The following ADAM18 variants were observed in gnomAD, a reference collection of about 807,000 sequenced individuals.
The protein encoded by ADAM18 is disintegrin and metalloproteinase domain-containing protein 18.
Under a neutral mutation model 94.4 loss-of-function variants are expected in ADAM18, and 117 were observed. The observed-to-expected ratio is 1.24, with a 90% CI of 1.07 to 1.45. ADAM18 has a LOEUF of 1.45. Ranked by LOEUF, ADAM18 falls within the 40% of genes most tolerant of loss-of-function variation. The pLI, the probability that ADAM18 is intolerant of heterozygous loss-of-function variation, is 0.00. For synonymous variants in ADAM18, 327 were observed against 291.6 expected (o/e 1.12, Z -1.24); for missense variants, 936 against 880.0 (o/e 1.06, Z -0.81).
intron 11 of ADAM18, among the ~76,000 whole-genome samples, chr8:39,647,532 C>CT (rs2129579571): frequency 6.6e-6 from 1 of 152,180 alleles, no homozygotes; most frequent in South Asian, 2.1e-4. Context: ...GCAAGAGGCT[C>CT]TTTTACTAAT....
chr8:39,716,640 C>T (rs956160769), intron 18 of ADAM18, among the ~76,000 whole-genome samples: 3 of 151,922 alleles, frequency 2.0e-5, no homozygotes, highest in Non-Finnish European at 2.9e-5. Flanking sequence ...GGAGAAAGAG[C>T]TGTGTGAACT....
Position 39,609,561 on chromosome 8 carries a change from G to T in ADAM18, c.344G>T (p.Arg115Met), listed in dbSNP as rs1819202471. 1 of 1,601,222 alleles carries T rather than the reference G, an allele frequency of 6.2e-7. No homozygotes were observed. The highest frequency in any genetic ancestry group is 1.3e-5 in the African/African-American group (1 of 74,706). Residue 115 changes from arginine to methionine, a missense_variant and splice_region_variant, in exon 5 of 20, where the codon AGG (arginine) becomes ATG (methionine). Coordinates refer to ENST00000265707, the MANE Select transcript of ADAM18 (RefSeq NM_014237.3). ...ACACTCAGTATATGTTCTGGTCTCA[G>T]GTAATAGCACCTTATAAGAAATCTA... ...FVTLSICSGL[R>M]GFLQFENISY...
chr8:39,694,943 A>T (rs979239942), intron 17 of ADAM18, among the ~76,000 whole-genome samples: 13 of 151,476 alleles, frequency 8.6e-5, no homozygotes, highest in African/African-American at 1.4e-4. Flanking sequence ...ATGCCCTGTG[A>T]TCCACATATT....
At chr8:39,715,428 T>A (rs560471704) in intron 18 of ADAM18, among the ~76,000 whole-genome samples, 21 of 139,290 alleles carry the variant, frequency 1.5e-4, no homozygotes, top group African/African-American at 4.9e-4. Flanking sequence ...TTAAAGTAAA[T>A]CCAAAATAAA....
intron 18 of ADAM18, among the ~76,000 whole-genome samples, chr8:39,721,300 G>A (rs567604510): frequency 6.6e-6 from 1 of 151,462 alleles, no homozygotes; most frequent in African/African-American, 2.4e-5. Context: ...TGTAAGACTT[G>A]AAAGTATAAA....
At chr8:39,595,179 C>T (rs1818704706) in intron 2 of ADAM18, among the ~76,000 whole-genome samples, 1 of 152,084 alleles carries the variant, frequency 6.6e-6, no homozygotes, top group East Asian at 1.9e-4. Context: ...CTCCCCTAAC[C>T]CCATGCTGTG....
chr8:39,660,219 T>TA (rs1396729677), intron 12 of ADAM18, among the ~76,000 whole-genome samples: 5 of 151,900 alleles, frequency 3.3e-5, no homozygotes, highest in Admixed American at 1.3e-4. Flanking sequence ...AAATAACAAC[T>TA]AAAAAAATGG....
At chr8:39,690,956 C>T (rs1821758331) in intron 16 of ADAM18, among the ~76,000 whole-genome samples, 1 of 152,116 alleles carries the variant, frequency 6.6e-6, no homozygotes, top group Non-Finnish European at 1.5e-5. Flanking sequence ...ATGGAATCAA[C>T]CTTGAAGCCC....
chr8:39,611,348 A>T, intron 6 of ADAM18: 1 of 750,542 alleles, frequency 1.3e-6, no homozygotes, highest in Non-Finnish European at 1.6e-6. Context: ...TGTGTTTACC[A>T]TACTTGGAGC....
chr8:39,706,953 A>G, intron 18 of ADAM18, 49 bp downstream of exon 18: 1 of 1,073,660 alleles, frequency 9.3e-7, no homozygotes, highest in South Asian at 1.4e-5. Context: ...TGTTTTATAT[A>G]AAGTTAATTA....
intron 2 of ADAM18, among the ~76,000 whole-genome samples, chr8:39,604,270 AT>A (rs1313290362): frequency 6.6e-6 from 1 of 152,240 alleles, no homozygotes; most frequent in Non-Finnish European, 1.5e-5. Flanking sequence ...CATACTAGGC[AT>A]TTGATAAGCC....
At chr8:39,584,850 G>A (rs1309518452) in intron 1 of ADAM18, among the ~76,000 whole-genome samples, 173 bp downstream of exon 1, 1 of 152,106 alleles carries the variant, frequency 6.6e-6, no homozygotes, top group Non-Finnish European at 1.5e-5. Context: ...GGGAACTAAA[G>A]GCCTTAGCGG....
At chr8:39,605,206 C>G (rs1180501778) in intron 2 of ADAM18, among the ~76,000 whole-genome samples, 1 of 152,162 alleles carries the variant, frequency 6.6e-6, no homozygotes, top group Admixed American at 6.5e-5. Context: ...AGAGACTTCT[C>G]TTGACATTTG....
At chr8:39,638,957 A>T (rs990566125) in intron 10 of ADAM18, among the ~76,000 whole-genome samples, 8 of 152,002 alleles carry the variant, frequency 5.3e-5, no homozygotes, top group African/African-American at 1.9e-4. Context: ...ATGCATAAAT[A>T]ATATATATTG....
At chr8:39,695,479 A>G (rs918781901) in intron 17 of ADAM18, among the ~76,000 whole-genome samples, 8 of 151,626 alleles carry the variant, frequency 5.3e-5, no homozygotes, top group Admixed American at 2.6e-4. Flanking sequence ...GCAGCTCTCT[A>G]ATGACATATG....
At chr8:39,632,472 G>A (rs986950622) in intron 7 of ADAM18, among the ~76,000 whole-genome samples, 4 of 151,850 alleles carry the variant, frequency 2.6e-5, no homozygotes, top group African/African-American at 9.7e-5. Context: ...GATAATCAAT[G>A]GATATAGAGA....
intron 18 of ADAM18, among the ~76,000 whole-genome samples, chr8:39,707,591 G>A (rs1262410329): frequency 1.3e-5 from 2 of 152,118 alleles, no homozygotes; most frequent in Non-Finnish European, 2.9e-5. Context: ...TTTATGAACT[G>A]AAGATTTGTT....
chr8:39,708,928 C>A (rs542886317), intron 18 of ADAM18, among the ~76,000 whole-genome samples: 6 of 152,192 alleles, frequency 3.9e-5, no homozygotes, highest in Non-Finnish European at 7.4e-5. Context: ...TCCAGTGACC[C>A]TTGAAGCTCC....
intron 2 of ADAM18, among the ~76,000 whole-genome samples, chr8:39,604,384 A>T (rs559251224): frequency 6.6e-6 from 1 of 152,256 alleles, no homozygotes; most frequent in African/African-American, 2.4e-5. Context: ...AAATATACTT[A>T]TATTAAGGTC....
Sources: gnomAD v4.1 joint callset for allele counts (sites outside exome capture counted in the v4.1 genomes callset) on GRCh38, gnomAD v4.1.1 for gene constraint, MANE v1.5 for transcripts, NCBI Gene and HGNC (gene_info 2026-07-23, HGNC 2026-07-21) for gene names.